Variants in HMGA2 observed in about 807,000 individuals in gnomAD.
HMGA2 encodes the protein high mobility group AT-hook 2, also known as high mobility group protein HMGI-C.
HMGA2 carries 8 observed loss-of-function variants against 19.1 expected under a neutral mutation model. The ratio of observed to expected loss-of-function variants is 0.42; its 90% confidence interval spans 0.25 to 0.76. The LOEUF (loss-of-function observed/expected upper bound fraction) is 0.76. HMGA2 is among the 30% of genes least tolerant of loss of function. The pLI is 0.28. For synonymous variants in HMGA2, 60 were observed against 48.8 expected (o/e 1.23, Z -0.96); for missense variants, 109 against 136.3 (o/e 0.80, Z 1.00).
At chr12:65,931,910 G>C (rs1487493603) in intron 3 of HMGA2, among the ~76,000 whole-genome samples, 1 of 152,014 alleles carries the variant, frequency 6.6e-6, no homozygotes, top group East Asian at 1.9e-4. Flanking sequence ...GCAAGACCCT[G>C]TCTCTCAAAA....
chr12:65,945,347 G>A (rs1485311318), intron 3 of HMGA2, among the ~76,000 whole-genome samples: 1 of 152,036 alleles, frequency 6.6e-6, no homozygotes, highest in Non-Finnish European at 1.5e-5. Context: ...AACTAAATCC[G>A]GAGGGCCATG....
At chr12:65,848,470 G>C (rs923266408) in intron 3 of HMGA2, among the ~76,000 whole-genome samples, 1 of 152,204 alleles carries the variant, frequency 6.6e-6, no homozygotes, top group Admixed American at 6.5e-5. Context: ...TACAACTAAA[G>C]ATTTACTGGG....
At chr12:65,922,152 G>A (rs1450535641) in intron 3 of HMGA2, among the ~76,000 whole-genome samples, 1 of 152,206 alleles carries the variant, frequency 6.6e-6, no homozygotes, top group South Asian at 2.1e-4. Context: ...CTGGGACACT[G>A]CCTAGTGGAG....
chr12:65,942,577 G>C (rs919069137), intron 3 of HMGA2: 2 of 152,084 alleles, frequency 1.3e-5, no homozygotes, highest in Non-Finnish European at 2.9e-5. Flanking sequence ...TAAAATCTTA[G>C]AGAATCATAA....
At chr12:65,833,007 T>G (rs1274549849) in intron 2 of HMGA2, among the ~76,000 whole-genome samples, 1 of 152,064 alleles carries the variant, frequency 6.6e-6, no homozygotes, top group East Asian at 1.9e-4. Flanking sequence ...TACATGAAGA[T>G]AAGCATGTGC....
Position 65,824,727 on chromosome 12 carries a change from C to CTCTCTCTCTG in HMGA2, c.-535_-534insGTCTCTCTCT, listed in dbSNP as rs1555179145. On this transcript the variant is annotated 5_prime_UTR_variant, in exon 1 of 5. Coordinates refer to ENST00000403681, the MANE Select transcript of HMGA2 (RefSeq NM_003483.6). ...ATCTCAATCTCTTCTCTCTCTCTCT[C>CTCTCTCTCTG]TCTCTCTCTCTCTCTCTCTCTCTCT... 2.6e-4 allele frequency: 45 copies of CTCTCTCTCTG among 172,378 alleles called. No homozygotes were observed. Among genetic ancestry groups the CTCTCTCTCTG allele is most frequent in the African/African-American group, 1.4e-3 (42 of 29,234 alleles). The allele number at this position is 172,378 out of a possible 1,614,324, so 10.7% of individuals were successfully genotyped here.
At chr12:65,887,065 T>C (rs922139616) in intron 3 of HMGA2, among the ~76,000 whole-genome samples, 3 of 152,150 alleles carry the variant, frequency 2.0e-5, no homozygotes, top group Non-Finnish European at 2.9e-5. Flanking sequence ...CTAACTCCTA[T>C]CTATTTGACA....
At chr12:65,873,480 A>G (rs957373642) in intron 3 of HMGA2, among the ~76,000 whole-genome samples, 4 of 152,160 alleles carry the variant, frequency 2.6e-5, no homozygotes, top group African/African-American at 9.7e-5. Flanking sequence ...GGATTGGAGG[A>G]TAGTATTTAT....
chr12:65,844,604 T>C (rs944596436), intron 3 of HMGA2, among the ~76,000 whole-genome samples: 1 of 152,236 alleles, frequency 6.6e-6, no homozygotes, highest in African/African-American at 2.4e-5. Flanking sequence ...TTTCATTTGT[T>C]TTAATATGTA....
At position 65,966,178 on chromosome 12, in the gene HMGA2, A is replaced by T. The variant is rs1876904698; in HGVS notation, c.*2886A>T. The T allele has an allele frequency of 5.0e-6, 1 of 200,768 alleles. No individual in the cohort carries two copies. The highest frequency in any genetic ancestry group is 1.9e-4 in the South Asian group (1 of 5,240). 12.4% of individuals were successfully genotyped at this position (200,768 alleles called of 1,614,324 possible). On this transcript the variant is annotated 3_prime_UTR_variant, in exon 5 of 5. Coordinates refer to ENST00000403681, the MANE Select transcript of HMGA2 (RefSeq NM_003483.6). ...GTTGAAAATATTTCTCTAGTGTATT[A>T]TCACTGTCTGTTCTGCACAATAAAC...
At chr12:65,905,767 G>A (rs896194407) in intron 3 of HMGA2, among the ~76,000 whole-genome samples, 1 of 152,102 alleles carries the variant, frequency 6.6e-6, no homozygotes, top group Non-Finnish European at 1.5e-5. Context: ...AATTTTAGAT[G>A]ACTCATAAAA....
intron 3 of HMGA2, among the ~76,000 whole-genome samples, chr12:65,854,405 G>T (rs1258877507): frequency 2.0e-5 from 3 of 152,084 alleles, no homozygotes; most frequent in African/African-American, 7.2e-5. Flanking sequence ...CTGGCATTTT[G>T]TAAAACTGTA....
intron 3 of HMGA2, among the ~76,000 whole-genome samples, chr12:65,942,483 A>T (rs1429018353): frequency 6.6e-6 from 1 of 152,178 alleles, no homozygotes; most frequent in African/African-American, 2.4e-5. Flanking sequence ...AGGAAATAGG[A>T]CTGAAACATT....
chr12:65,867,711 C>G (rs1338408622), intron 3 of HMGA2: 3 of 229,194 alleles, frequency 1.3e-5, no homozygotes, highest in Non-Finnish European at 2.8e-5. Context: ...AGGAGAAGAA[C>G]TTTGGATGGA....
chr12:65,828,802 A>G (rs1280724456), intron 2 of HMGA2: 1 of 152,872 alleles, frequency 6.5e-6, no homozygotes, highest in Admixed American at 6.5e-5. Flanking sequence ...GGCAGAATGG[A>G]ACCCAGTTAA....
chr12:65,923,172 G>A (rs181014553), intron 3 of HMGA2, among the ~76,000 whole-genome samples: 104 of 152,114 alleles, frequency 6.8e-4, no homozygotes, highest in African/African-American at 2.3e-3. Context: ...GGGCAGCGTG[G>A]TCCTCCTGCT....
intron 1 of HMGA2, chr12:65,826,074 C>G (rs1162616004): frequency 2.0e-5 from 3 of 152,392 alleles, no homozygotes; most frequent in African/African-American, 7.2e-5. Flanking sequence ...ACGGGGTTAA[C>G]TCGCCCAGCT....
At chr12:65,893,088 G>A (rs753541721) in intron 3 of HMGA2, among the ~76,000 whole-genome samples, 2 of 152,162 alleles carry the variant, frequency 1.3e-5, no homozygotes, top group African/African-American at 4.8e-5. Flanking sequence ...CCGGTCACAG[G>A]CTCCTATTAT....
chr12:65,933,345 A>G (rs1178465602), intron 3 of HMGA2, among the ~76,000 whole-genome samples: 1 of 152,128 alleles, frequency 6.6e-6, no homozygotes, highest in Non-Finnish European at 1.5e-5. Context: ...TTATTATTGT[A>G]CTAAAAATTA....
Sources: allele counts gnomAD v4.1 joint callset (sites outside exome capture counted in the v4.1 genomes callset), GRCh38; gene constraint gnomAD v4.1.1; transcripts MANE v1.5; gene names NCBI Gene and HGNC (gene_info 2026-07-23, HGNC 2026-07-21).